ZBTB20: variants seen among roughly 807,000 people sequenced by gnomAD.
ZBTB20 encodes zinc finger and BTB domain containing 20, also known as zinc finger and BTB domain-containing protein 20.
Under a neutral mutation model 56.9 loss-of-function variants are expected in ZBTB20, and 9 were observed. The ratio of observed to expected loss-of-function variants is 0.16; its 90% CI spans 0.10 to 0.28. The LOEUF is 0.28. Ranked by LOEUF, ZBTB20 falls within the 10% of genes least tolerant of loss-of-function variation. ZBTB20 has a pLI of 1.00. For missense variants in ZBTB20, 655 were observed against 1,003.0 expected (o/e 0.65, Z 4.69); for synonymous variants, 417 against 420.7 (o/e 0.99, Z 0.11).
At chr3:114,389,804 G>A (rs1358988267) in intron 7 of ZBTB20, among the ~76,000 whole-genome samples, 4 of 143,818 alleles carry the variant, frequency 2.8e-5, no homozygotes, top group East Asian at 2.1e-4. Context: ...CAGGGGAATC[G>A]CTTGAACCCG....
chr3:114,980,991 T>A (rs1201451308), intron 2 of ZBTB20, among the ~76,000 whole-genome samples: 1 of 152,040 alleles, frequency 6.6e-6, no homozygotes, highest in Admixed American at 6.6e-5. Context: ...GGAATTATAA[T>A]TTTATCTTTC....
chr3:114,354,574 TTTTGTTTTGTTTG>T (rs2081027018), intron 10 of ZBTB20, among the ~76,000 whole-genome samples: 2 of 122,050 alleles, frequency 1.6e-5, no homozygotes, highest in East Asian at 2.6e-4. Flanking sequence ...TTTTTTTTTG[TTTTGTTTTGTTTG>T]TTTTTTTTTT....
intron 6 of ZBTB20, among the ~76,000 whole-genome samples, chr3:114,569,492 C>T (rs549951394): frequency 6.6e-6 from 1 of 152,348 alleles, no homozygotes; most frequent in South Asian, 2.1e-4. Flanking sequence ...CCATGATCCT[C>T]TCTGGCTCTT....
At chr3:114,479,592 T>C (rs1559847456) in intron 7 of ZBTB20, among the ~76,000 whole-genome samples, 1 of 152,344 alleles carries the variant, frequency 6.6e-6, no homozygotes, top group South Asian at 2.1e-4. Flanking sequence ...TTTTCTTTTT[T>C]CTTATTTTCC....
chr3:114,912,504 G>A, intron 3 of ZBTB20, among the ~76,000 whole-genome samples: 1 of 151,498 alleles, frequency 6.6e-6, no homozygotes, highest in South Asian at 2.1e-4. Context: ...ATATATTTAT[G>A]GGGTACATGA....
chr3:114,376,427 TA>T (rs1346652362), intron 10 of ZBTB20, among the ~76,000 whole-genome samples: 1 of 152,194 alleles, frequency 6.6e-6, no homozygotes, highest in African/African-American at 2.4e-5. Context: ...AATGTGGCAT[TA>T]ATGGAGTTTG....
chr3:114,515,564 T>G (rs914195011), intron 6 of ZBTB20, among the ~76,000 whole-genome samples: 3 of 152,190 alleles, frequency 2.0e-5, no homozygotes, highest in African/African-American at 7.2e-5. Flanking sequence ...ACTCCACAGT[T>G]TCATTCATTA....
chr3:114,416,143 G>C (rs561547133), intron 7 of ZBTB20, among the ~76,000 whole-genome samples: 1 of 151,926 alleles, frequency 6.6e-6, no homozygotes, highest in Non-Finnish European at 1.5e-5. Context: ...GTTGAGCATA[G>C]AATTTGCCCA....
intron 7 of ZBTB20, among the ~76,000 whole-genome samples, chr3:114,458,660 G>C (rs1314180214): frequency 6.6e-6 from 1 of 151,344 alleles, no homozygotes; most frequent in Non-Finnish European, 1.5e-5. Flanking sequence ...CTGAGTGGTA[G>C]AGCATACTGA....
rs1427355301 is a variant in ZBTB20, at chr3:114,342,572, C to A, written c.1805-3146G>T. Reference sequence around the variant, plus strand: ...GGGCATGTCATTTAACCTCTATAAGCCTCAGTTTCCTTATCTATAACTTGA... The same window carrying A: ...GGGCATGTCATTTAACCTCTATAAGACTCAGTTTCCTTATCTATAACTTGA... On this transcript the variant is annotated intron_variant, in intron 11 of 11. Coordinates refer to ENST00000675478, the MANE Select transcript of ZBTB20 (RefSeq NM_001348800.3). 3.9e-5 allele frequency among the ~76,000 whole-genome samples: 6 copies of A among 152,152 alleles called. No individual in the cohort carries two copies. The East Asian group carries it at 1.2e-3, about 29-fold the overall frequency.
intron 8 of ZBTB20, among the ~76,000 whole-genome samples, chr3:114,385,975 A>G (rs2085067493): frequency 6.6e-6 from 1 of 152,216 alleles, no homozygotes; most frequent in Admixed American, 6.5e-5. Flanking sequence ...AGGACCAGCA[A>G]TCTCTTCCTC....
intron 2 of ZBTB20, among the ~76,000 whole-genome samples, chr3:115,017,527 T>C (rs1427224557): frequency 6.6e-6 from 1 of 151,532 alleles, no homozygotes; most frequent in Non-Finnish European, 1.5e-5. Flanking sequence ...GAAAAATTTA[T>C]AGTATAAATT....
intron 7 of ZBTB20, among the ~76,000 whole-genome samples, chr3:114,404,266 C>T (rs767519250): frequency 9.9e-5 from 15 of 152,126 alleles, no homozygotes; most frequent in Non-Finnish European, 2.2e-4. Flanking sequence ...GATTTTTCCT[C>T]ATCCTTCCCA....
intron 5 of ZBTB20, among the ~76,000 whole-genome samples, chr3:114,782,433 G>A (rs1026719325): frequency 6.6e-6 from 1 of 152,144 alleles, no homozygotes; most frequent in Non-Finnish European, 1.5e-5. Flanking sequence ...AGCTATTATG[G>A]TACTGACAAT....
At chr3:114,487,259 T>A (rs2042245790) in intron 7 of ZBTB20, among the ~76,000 whole-genome samples, 1 of 152,116 alleles carries the variant, frequency 6.6e-6, no homozygotes, top group South Asian at 2.1e-4. Flanking sequence ...TGGCATGGTC[T>A]CCAAGGGCAC....
rs973186044 is a variant in ZBTB20 at position 114,839,814 on chromosome 3, T to C, written c.-416-38640A>G. ...GACAGAGGCACAAACTGGAGTTACA[T>C]AGCCACAAGCCAAGGAACCTCTGGA... On this transcript the variant is annotated intron_variant, in intron 4 of 11. Transcript: ENST00000675478. 4.6e-5 allele frequency among the ~76,000 whole-genome samples: 7 copies of C among 152,126 alleles called. No homozygotes were observed. In the East Asian group the frequency reaches 9.7e-4, roughly 21 times the overall value.
chr3:114,401,345 T>C (rs1390395938), intron 7 of ZBTB20, among the ~76,000 whole-genome samples: 1 of 152,096 alleles, frequency 6.6e-6, no homozygotes, highest in African/African-American at 2.4e-5. Context: ...ACAGACACCT[T>C]CTCTAACACT....
chr3:114,971,258 A>G (rs911284473), intron 3 of ZBTB20, among the ~76,000 whole-genome samples: 1 of 152,218 alleles, frequency 6.6e-6, no homozygotes, highest in African/African-American at 2.4e-5. Context: ...CTGAGTTTAA[A>G]TAATCATAAC....
At chr3:114,817,192 T>TACACACAC (rs56294507) in intron 4 of ZBTB20, among the ~76,000 whole-genome samples, 2,182 of 145,774 alleles carry the variant, frequency 0.015, 39 homozygotes, top group African/African-American at 0.036. Flanking sequence ...ATACAACTTA[T>TACACACAC]ACACACACAC....
Sources: gnomAD v4.1 joint callset for allele counts (sites outside exome capture counted in the v4.1 genomes callset) on GRCh38, gnomAD v4.1.1 for gene constraint, MANE v1.5 for transcripts, NCBI Gene and HGNC (gene_info 2026-07-23, HGNC 2026-07-21) for gene names.